Variants in ZNF407 observed in about 807,000 individuals in gnomAD.
ZNF407 encodes zinc finger protein 407.
ZNF407 carries 17 observed loss-of-function variants against 131.2 expected under a neutral mutation model. The observed-to-expected ratio is 0.13, with a 90% CI of 0.09 to 0.19. ZNF407 has a LOEUF of 0.19. Among genes scored for constraint, ZNF407 ranks in the 10% least tolerant of loss-of-function variants. ZNF407 has a pLI of 1.00. For synonymous variants in ZNF407, 1,156 were observed against 1,062.0 expected, an observed-to-expected ratio of 1.09 and a Z score of -1.72; for missense variants, 2,681 against 2,830.6, an observed-to-expected ratio of 0.95 and a Z score of 1.20.
At chr18:74,778,490 T>G (rs1485969790) in intron 3 of ZNF407, among the ~76,000 whole-genome samples, 4 of 151,370 alleles carry the variant, frequency 2.6e-5, no homozygotes, top group Admixed American at 2.0e-4. Context: ...TATTTTACTG[T>G]TTTTTTTTCC....
chr18:75,000,940 G>A (rs1868635917), intron 8 of ZNF407, among the ~76,000 whole-genome samples: 1 of 152,160 alleles, frequency 6.6e-6, no homozygotes, highest in Non-Finnish European at 1.5e-5. Flanking sequence ...TTAGTAGGGT[G>A]CAGTGAAATA....
intron 3 of ZNF407, among the ~76,000 whole-genome samples, chr18:74,757,736 T>C (rs949958342): frequency 1.3e-5 from 2 of 152,180 alleles, no homozygotes; most frequent in Non-Finnish European, 2.9e-5. Flanking sequence ...GAAAATGGGC[T>C]TTTCAAGTCT....
Position 74,735,341 on chromosome 18 carries a change from T to C in ZNF407, c.4803-46087T>C, listed in dbSNP as rs558660704. On this transcript the variant is annotated intron_variant, in intron 3 of 8. Coordinates refer to ENST00000299687, the MANE Select transcript of ZNF407 (RefSeq NM_017757.3). ...GATTGGCAAGTGGTCCTCATTTTAGTTGAGTAAAATATACTAGCTTAAAAT... is the reference window on the plus strand; with the variant it reads ...GATTGGCAAGTGGTCCTCATTTTAGCTGAGTAAAATATACTAGCTTAAAAT... Among the ~76,000 whole-genome samples, 375 of 152,322 alleles carry C rather than the reference T, an allele frequency of 2.5e-3. 1 individual carries two copies. Among genetic ancestry groups the C allele is most frequent in the South Asian group, 0.016 (79 of 4,820 alleles).
chr18:74,826,644 C>T (rs540278599), intron 4 of ZNF407, among the ~76,000 whole-genome samples: 1 of 152,160 alleles, frequency 6.6e-6, no homozygotes, highest in African/African-American at 2.4e-5. Context: ...AGAATTCCTG[C>T]ATCCACTGGA....
chr18:74,897,627 T>C (rs901031962), intron 7 of ZNF407, among the ~76,000 whole-genome samples: 1 of 152,116 alleles, frequency 6.6e-6, no homozygotes, highest in Non-Finnish European at 1.5e-5. Flanking sequence ...ATGAAAAAAA[T>C]AGAAAATTTT....
chr18:74,800,848 T>G (rs898356069), intron 4 of ZNF407, among the ~76,000 whole-genome samples: 2 of 152,158 alleles, frequency 1.3e-5, no homozygotes, highest in African/African-American at 4.8e-5. Flanking sequence ...TGATTTGCCC[T>G]ATCACTGATA....
chr18:75,042,094 T>A (rs1271067998), intron 8 of ZNF407, among the ~76,000 whole-genome samples: 1 of 151,006 alleles, frequency 6.6e-6, no homozygotes, highest in Non-Finnish European at 1.5e-5. Flanking sequence ...AGAGTCAGAG[T>A]CTCACTATGT....
intron 3 of ZNF407, among the ~76,000 whole-genome samples, chr18:74,775,198 G>A (rs532508352): frequency 6.6e-6 from 1 of 152,244 alleles, no homozygotes; most frequent in East Asian, 1.9e-4. Flanking sequence ...GTTGCTGGAA[G>A]GTTTCTACTT....
Position 74,632,883 on chromosome 18 carries a change from C to G in ZNF407, c.1864C>G (p.Leu622Val). The change falls in exon 2 of 9, where the codon CTG (leucine) becomes GTG (valine). Residue 622 changes from leucine to valine, a missense_variant. This residue lies in a region of ZNF407 where 1,789 missense variants were observed against 1,748.7 expected (regional missense o/e 1.02). Coordinates refer to ENST00000299687, the MANE Select transcript of ZNF407 (RefSeq NM_017757.3). ...GCATTTTCTTTGCACCCCTTGTAAT[C>G]TGTTCTTTTTGTCTGAAAAAGATGT... ...NMHFLCTPCN[L>V]FFLSEKDVEE... is the part of the protein sequence containing the mutation. 6.2e-7 allele frequency: 1 copy of G among 1,613,478 alleles called. No homozygotes were observed. Among genetic ancestry groups the G allele is most frequent in the African/African-American group, 1.3e-5 (1 of 75,016 alleles).
In ZNF407 at chr18:74,631,527, C is replaced by T. The variant is rs753216016; in HGVS notation, c.508C>T (p.Pro170Ser). 2 of 1,613,802 alleles carry T rather than the reference C, an allele frequency of 1.2e-6. No homozygotes were observed. The highest frequency in any genetic ancestry group is 1.1e-5 in the South Asian group (1 of 91,076). Reference protein sequence around the residue: ...LDLERESPFPPKEISVSCTIG... With the variant: ...LDLERESPFPSKEISVSCTIG... ...TCTGGAAAGAGAATCTCCTTTCCCCCCGAAAGAAATTAGTGTTAGTTGTAC... is the reference window on the plus strand; with the variant it reads ...TCTGGAAAGAGAATCTCCTTTCCCCTCGAAAGAAATTAGTGTTAGTTGTAC... Residue 170 changes from proline (P) to serine (S), a missense_variant, in exon 2 of 9, where the codon CCG becomes TCG. Pro to Ser is a moderately conservative substitution (Grantham distance 74). Transcript: ENST00000299687.
Position 75,064,165 on chromosome 18 carries a change from G to A in ZNF407, c.6444G>A (p.Thr2148=), listed in dbSNP as rs3744913. 1,347,593 of 1,603,538 alleles carry A rather than the reference G, an allele frequency of 0.84. 570,557 individuals carry two copies. The highest frequency in any genetic ancestry group is 0.9 in the East Asian group (39,864 of 44,318). The part of the protein sequence containing the change: ...SDGEISQIIV[T]EELVQAMVQE... ...GGGAGATCTCGCAGATCATCGTGAC[G>A]GAGGAGCTGGTCCAGGCCATGGTGC... The change falls in exon 9 of 9, where the codon ACG becomes ACA. Residue 2148 remains threonine, a synonymous_variant. Coordinates refer to ENST00000299687, the MANE Select transcript of ZNF407 (RefSeq NM_017757.3).
intron 3 of ZNF407, among the ~76,000 whole-genome samples, chr18:74,777,928 T>A (rs1969507879): frequency 6.6e-6 from 1 of 151,976 alleles, no homozygotes; most frequent in Non-Finnish European, 1.5e-5. Flanking sequence ...ACAAAAAAAA[T>A]TTAAATAGCC....
rs533566987 is a variant in ZNF407 at position 74,934,736 on chromosome 18, G to A, written c.5428+14044G>A. Among the ~76,000 whole-genome samples the A allele has an allele frequency of 4.6e-5, 7 of 152,320 alleles. No individual in the cohort carries two copies. In the South Asian group the frequency reaches 1.2e-3, roughly 27 times the overall value. ...CAGAAGAATCACTTGAACCCGGGAG[G>A]TGGAGGTTGCAGTGAGCCGAGATCA... On this transcript the variant is annotated intron_variant, in intron 8 of 8. Coordinates refer to ENST00000299687, the MANE Select transcript of ZNF407 (RefSeq NM_017757.3).
intron 3 of ZNF407, among the ~76,000 whole-genome samples, chr18:74,658,172 G>C (rs924686517): frequency 6.6e-6 from 1 of 152,048 alleles, no homozygotes; most frequent in African/African-American, 2.4e-5. Context: ...GAGTGCAGTG[G>C]CATGATCTCA....
At position 74,692,213 on chromosome 18, in the gene ZNF407, T is replaced by C. The variant is rs760727944; in HGVS notation, c.4802+51091T>C. On this transcript the variant is annotated intron_variant, in intron 3 of 8. Transcript: ENST00000299687. The stretch of plus-strand genomic sequence containing the variant: ...TCTTCTTCAGTCAAGGCCATTAGCA[T>C]GGGGCCTCCATTCAGTCTAGTCCGG... Among the ~76,000 whole-genome samples the C allele has an allele frequency of 4.8e-4, 73 of 152,100 alleles. 1 individual carries two copies. The highest frequency in any genetic ancestry group is 1.6e-3 in the Admixed American group (25 of 15,272).
At chr18:74,862,139 TG>T (rs2145160759) in intron 4 of ZNF407, among the ~76,000 whole-genome samples, 1 of 152,400 alleles carries the variant, frequency 6.6e-6, no homozygotes, top group Admixed American at 6.5e-5. Context: ...ATCTTCATTT[TG>T]GTTTTATCCA....
intron 8 of ZNF407, among the ~76,000 whole-genome samples, chr18:74,968,924 C>T (rs969973735): frequency 3.9e-5 from 6 of 152,004 alleles, no homozygotes; most frequent in Non-Finnish European, 8.8e-5. Context: ...TGTCATTGTC[C>T]CCATGTTCCC....
rs1449500744 is a variant in ZNF407, at chr18:74,633,379, A to G, written c.2360A>G (p.Glu787Gly). The change falls in exon 2 of 9, where the codon GAA becomes GGA. Residue 787 changes from glutamate to glycine, a missense_variant. This residue lies in a region of ZNF407 where 1,789 missense variants were observed against 1,748.7 expected (regional missense o/e 1.02). Transcript: ENST00000299687. Reference sequence around the variant, plus strand: ...TGTATAGGTGCAAATGATAAAAAAGAAGAGTTTGATGTTTCCGGAAATGGA... The same window carrying G: ...TGTATAGGTGCAAATGATAAAAAAGGAGAGTTTGATGTTTCCGGAAATGGA... ...RVCIGANDKKEEFDVSGNGRI... is the reference protein window; with the variant it reads ...RVCIGANDKKGEFDVSGNGRI... 6.2e-7 allele frequency: 1 copy of G among 1,613,986 alleles called. No individual in the cohort carries two copies. Among genetic ancestry groups the G allele is most frequent in the Non-Finnish European group, 8.5e-7 (1 of 1,179,894 alleles).
chr18:74,625,499 CG>C (rs1983749372), intron 1 of ZNF407, among the ~76,000 whole-genome samples: 1 of 152,130 alleles, frequency 6.6e-6, no homozygotes, highest in East Asian at 1.9e-4. Context: ...CAGATGAAGA[CG>C]TGGTAGACTG....
Sources: allele counts gnomAD v4.1 joint callset (sites outside exome capture counted in the v4.1 genomes callset), GRCh38; gene constraint gnomAD v4.1.1; regional missense constraint gnomAD v4.1.1; transcripts MANE v1.5; gene names NCBI Gene and HGNC (gene_info 2026-07-23, HGNC 2026-07-21).